KCNIP3: variants seen among roughly 807,000 people sequenced by gnomAD.
KCNIP3 encodes the protein calsenilin.
KCNIP3 carries 28 observed loss-of-function variants against 35.0 expected under a neutral mutation model. The ratio of observed to expected loss-of-function variants is 0.80; its 90% confidence interval spans 0.59 to 1.10. The LOEUF is 1.10. Ranked by LOEUF, KCNIP3 falls within the 50% of genes least tolerant of loss-of-function variation. KCNIP3 has a pLI of 0.00. For synonymous variants in KCNIP3, 134 were observed against 133.8 expected (o/e 1.00, Z -0.01); for missense variants, 295 against 338.4 (o/e 0.87, Z 1.01).
At position 95,376,962 on chromosome 2, in the gene KCNIP3, C is replaced by T. The variant is rs1310158797; in HGVS notation, c.447+1754C>T. Among the ~76,000 whole-genome samples the T allele has an allele frequency of 6.6e-6, 1 of 152,070 alleles. No homozygotes were observed. Among genetic ancestry groups the T allele is most frequent in the Non-Finnish European group, 1.5e-5 (1 of 68,020 alleles). On this transcript the variant is annotated intron_variant, in intron 5 of 8. Transcript: ENST00000295225. This position sits in a 1 kb window ranked among gnomAD's most constrained non-coding sequence, Gnocchi z 4.2. ...TTACTGATATGGTAAAAGGTAATAC[C>T]CTCCCTCCGCTCACCAAAAAGAATA...
At position 95,373,476 on chromosome 2, in the gene KCNIP3, T is replaced by G. The variant is rs139367433; in HGVS notation, c.182-820T>G. Among the ~76,000 whole-genome samples the G allele has an allele frequency of 3.0e-3, 414 of 137,684 alleles. 18 individuals are homozygous for G. In the East Asian group the frequency reaches 0.093, roughly 31 times the overall value. The allele number at this position is 137,684 out of a possible 152,430, so 90.3% of individuals were successfully genotyped here. A position where few individuals can be genotyped will look rare whatever the true frequency, so the allele number is the denominator to read the frequency against. On this transcript the variant is annotated intron_variant, in intron 2 of 8. Transcript: ENST00000295225. ...CTTGCTCTGTCACCCAGGCTGGAGT[T>G]CAGTGGCGCGATCGCGGCTCACTGC...
chr2:95,372,663 C>T (rs752802238), intron 2 of KCNIP3, among the ~76,000 whole-genome samples: 6 of 152,122 alleles, frequency 3.9e-5, no homozygotes, highest in Admixed American at 6.5e-5. Context: ...AGCAGGCAGG[C>T]GTGCAGACGT....
chr2:95,328,561 T>C (rs1056199196), intron 2 of KCNIP3, among the ~76,000 whole-genome samples: 1 of 152,238 alleles, frequency 6.6e-6, no homozygotes, highest in African/African-American at 2.4e-5. Context: ...CTTAGGTGCG[T>C]GTACCCATGT....
intron 2 of KCNIP3, among the ~76,000 whole-genome samples, chr2:95,319,369 C>T (rs1383631439): frequency 3.3e-5 from 5 of 152,180 alleles, no homozygotes; most frequent in Admixed American, 1.3e-4. Context: ...ATGTGCTGTC[C>T]CTTAGCGGTG....
intron 2 of KCNIP3, among the ~76,000 whole-genome samples, chr2:95,365,743 G>A (rs1468771255): frequency 6.6e-6 from 1 of 152,120 alleles, no homozygotes; most frequent in African/African-American, 2.4e-5. Context: ...CTACTCTGTA[G>A]TTCATGGGAT....
At chr2:95,339,123 G>A (rs1181610094) in intron 2 of KCNIP3, among the ~76,000 whole-genome samples, 1 of 152,298 alleles carries the variant, frequency 6.6e-6, no homozygotes, top group Admixed American at 6.5e-5. Flanking sequence ...AATATCATAA[G>A]GAGCTGGGAG....
chr2:95,318,367 A>G (rs1678510424), intron 2 of KCNIP3, among the ~76,000 whole-genome samples: 1 of 152,118 alleles, frequency 6.6e-6, no homozygotes, highest in African/African-American at 2.4e-5. Context: ...TCTTCCATCA[A>G]AGGCAGAAGT....
At chr2:95,347,626 C>T (rs1460683811) in intron 2 of KCNIP3, among the ~76,000 whole-genome samples, 1 of 152,242 alleles carries the variant, frequency 6.6e-6, no homozygotes, top group Non-Finnish European at 1.5e-5. Flanking sequence ...AACCCGCAGG[C>T]GCCACATTTC....
At chr2:95,368,436 C>T (rs1012954644) in intron 2 of KCNIP3, 9 of 167,286 alleles carry the variant, frequency 5.4e-5, no homozygotes, top group East Asian at 3.1e-4. Context: ...CATATACTGC[C>T]GGGGTGATGG....
chr2:95,299,417 G>A (rs1298633401), intron 1 of KCNIP3, among the ~76,000 whole-genome samples: 3 of 152,180 alleles, frequency 2.0e-5, no homozygotes, highest in African/African-American at 7.2e-5. Flanking sequence ...ACTCCTCAGG[G>A]TCACGGTCAG....
intron 7 of KCNIP3, 80 bp from the exon 8 acceptor site, chr2:95,383,152 T>C: frequency 2.0e-6 from 1 of 502,524 alleles, no homozygotes. Context: ...CACCCACCCA[T>C]GACTTCTGCG....
chr2:95,328,968 G>A (rs1464705710), intron 2 of KCNIP3, among the ~76,000 whole-genome samples: 1 of 152,220 alleles, frequency 6.6e-6, no homozygotes, highest in East Asian at 1.9e-4. Context: ...CTGCAGAGGA[G>A]GGGAGGGCAG....
intron 2 of KCNIP3, among the ~76,000 whole-genome samples, chr2:95,338,192 G>A (rs1334028695): frequency 6.6e-6 from 1 of 152,192 alleles, no homozygotes; most frequent in East Asian, 1.9e-4. Context: ...AGTTCAAACC[G>A]CAGCTCTGCC....
At chr2:95,314,468 C>G (rs1269203776) in intron 2 of KCNIP3, among the ~76,000 whole-genome samples, 2 of 152,194 alleles carry the variant, frequency 1.3e-5, no homozygotes, top group Non-Finnish European at 2.9e-5. Context: ...ATCCAAACCC[C>G]CATTCCTGAG....
rs1199475594 is a variant in KCNIP3, at chr2:95,304,813, G to C, written c.16-5542G>C. Among the ~76,000 whole-genome samples, 15 of 152,278 alleles carry C rather than the reference G, an allele frequency of 9.9e-5. No individual in the cohort carries two copies. In the South Asian group the frequency reaches 2.9e-3, roughly 29 times the overall value. ...CGCCATCTTTTTCCATCCCTCCCTG[G>C]CTCCCCACAGGCCAGGAGGACTTAG... On this transcript the variant is annotated intron_variant, in intron 1 of 8. Coordinates refer to ENST00000295225, the MANE Select transcript of KCNIP3 (RefSeq NM_013434.5).
intron 2 of KCNIP3, among the ~76,000 whole-genome samples, chr2:95,347,879 G>A (rs1307980741): frequency 2.0e-5 from 3 of 152,212 alleles, no homozygotes; most frequent in Non-Finnish European, 4.4e-5. Flanking sequence ...GCACTCTGCT[G>A]ACCTTGCCGG....
At chr2:95,318,789 G>C (rs1349652821) in intron 2 of KCNIP3, among the ~76,000 whole-genome samples, 1 of 152,262 alleles carries the variant, frequency 6.6e-6, no homozygotes, top group African/African-American at 2.4e-5. Context: ...AGCAAGTGCT[G>C]TGGGGACGCG....
chr2:95,316,966 G>T (rs1487252772), intron 2 of KCNIP3, among the ~76,000 whole-genome samples: 1 of 152,220 alleles, frequency 6.6e-6, no homozygotes, highest in Non-Finnish European at 1.5e-5. Context: ...GAGGGCAGGG[G>T]GTTGGTCAGC....
intron 2 of KCNIP3, among the ~76,000 whole-genome samples, chr2:95,316,519 A>G (rs1050022868): frequency 6.6e-6 from 1 of 152,164 alleles, no homozygotes; most frequent in Non-Finnish European, 1.5e-5. Context: ...CGTCAGTGTC[A>G]ATGTCTTGGG....
Sources: allele counts gnomAD v4.1 joint callset (sites outside exome capture counted in the v4.1 genomes callset), GRCh38; gene constraint gnomAD v4.1.1; non-coding constraint Gnocchi (gnomAD v3.1); transcripts MANE v1.5; gene names NCBI Gene and HGNC (gene_info 2026-07-23, HGNC 2026-07-21).